Variants in NEGR1 observed in about 807,000 individuals in gnomAD.
The protein encoded by NEGR1 is neuronal growth regulator 1, also known as IgLON family member 4.
A neutral mutation model predicts 40.9 loss-of-function variants in NEGR1; 10 were observed. The observed-to-expected ratio is 0.24, with a 90% CI of 0.15 to 0.42. NEGR1 has a LOEUF of 0.42. NEGR1 is among the 10% of genes least tolerant of loss of function. NEGR1 has a pLI of 1.00. For missense variants in NEGR1, 352 were observed against 438.9 expected (o/e 0.80, Z 1.77); for synonymous variants, 185 against 166.8 (o/e 1.11, Z -0.84).
chr1:71,842,476 A>C (rs1659276187), intron 2 of NEGR1, among the ~76,000 whole-genome samples: 1 of 152,192 alleles, frequency 6.6e-6, no homozygotes, highest in African/African-American at 2.4e-5. Context: ...TAACGAAATA[A>C]GGAGCTATTA....
At position 71,928,361 on chromosome 1, in the gene NEGR1, T is replaced by TATGTATATATAC. The variant is rs1557439045; in HGVS notation, c.409+6717_409+6718insGTATATATACAT. On this transcript the variant is annotated intron_variant, in intron 2 of 6. Coordinates refer to ENST00000357731, the MANE Select transcript of NEGR1 (RefSeq NM_173808.3). ...ATATACACACATGTGTATATATATA[T>TATGTATATATAC]ACACATATGTATATATGTATATATA... is the stretch of plus-strand genomic sequence containing the variant. Among the ~76,000 whole-genome samples the TATGTATATATAC allele has an allele frequency of 7.1e-3, 599 of 84,560 alleles. 59 individuals carry two copies. The highest frequency in any genetic ancestry group is 0.031 in the Middle Eastern group (2 of 64). The allele number at this position is 84,560 out of a possible 152,430, so 55.5% of individuals were successfully genotyped here. A position where few individuals can be genotyped will look rare whatever the true frequency, so the allele number is the denominator to read the frequency against.
At chr1:72,058,641 C>G (rs1317151093) in intron 1 of NEGR1, among the ~76,000 whole-genome samples, 2 of 151,494 alleles carry the variant, frequency 1.3e-5, no homozygotes, top group Non-Finnish European at 3.0e-5. Context: ...CTACAGCTGT[C>G]TTTAAAGTTT....
chr1:71,441,483 G>C (rs560657417), intron 6 of NEGR1, among the ~76,000 whole-genome samples: 1 of 152,256 alleles, frequency 6.6e-6, no homozygotes, highest in East Asian at 1.9e-4. Flanking sequence ...AAAAGAACTT[G>C]GTGAATTATG....
At chr1:72,162,081 AC>A (rs1256195789) in intron 1 of NEGR1, among the ~76,000 whole-genome samples, 1 of 151,968 alleles carries the variant, frequency 6.6e-6, no homozygotes, top group Admixed American at 6.6e-5. Context: ...AAAGGTAATT[AC>A]CTTAACCAGT....
intron 6 of NEGR1, among the ~76,000 whole-genome samples, chr1:71,433,023 C>G (rs932407957): frequency 3.9e-5 from 6 of 152,146 alleles, no homozygotes; most frequent in Non-Finnish European, 5.9e-5. Context: ...AGAAGTGGAA[C>G]CTTTTAGAAT....
intron 2 of NEGR1, among the ~76,000 whole-genome samples, chr1:71,795,070 A>G (rs973799885): frequency 2.0e-5 from 3 of 152,116 alleles, no homozygotes; most frequent in Admixed American, 6.6e-5. Context: ...GGTGACACTT[A>G]AAAAATTAGG....
At chr1:71,639,770 C>A (rs1465238780) in intron 4 of NEGR1, among the ~76,000 whole-genome samples, 2 of 151,974 alleles carry the variant, frequency 1.3e-5, no homozygotes, top group Non-Finnish European at 2.9e-5. Context: ...GTACCAGAGG[C>A]AGCATGAATG....
intron 4 of NEGR1, among the ~76,000 whole-genome samples, chr1:71,659,629 G>C (rs1052301777): frequency 1.3e-5 from 2 of 152,028 alleles, no homozygotes; most frequent in East Asian, 1.9e-4. Flanking sequence ...AAATTTACAA[G>C]AGAAGAACAA....
At chr1:72,213,973 A>T (rs868295611) in intron 1 of NEGR1, among the ~76,000 whole-genome samples, 1 of 152,068 alleles carries the variant, frequency 6.6e-6, no homozygotes, top group Non-Finnish European at 1.5e-5. Flanking sequence ...TCAATAAAAC[A>T]CTGGCAAAAT....
chr1:71,567,754 G>A (rs1242324945), intron 6 of NEGR1, among the ~76,000 whole-genome samples: 1 of 151,952 alleles, frequency 6.6e-6, no homozygotes, highest in Non-Finnish European at 1.5e-5. Context: ...AAATTCTAAA[G>A]CCTAACGTGA....
chr1:71,441,304 T>C (rs575942012), intron 6 of NEGR1, among the ~76,000 whole-genome samples: 46 of 152,306 alleles, frequency 3.0e-4, no homozygotes, highest in African/African-American at 1.1e-3. Flanking sequence ...TCGGCCCCAA[T>C]CTTTTAGCTT....
At chr1:71,677,894 T>C (rs1265324568) in intron 4 of NEGR1, among the ~76,000 whole-genome samples, 1 of 152,200 alleles carries the variant, frequency 6.6e-6, no homozygotes, top group African/African-American at 2.4e-5. Flanking sequence ...GTTTGCCTTA[T>C]AAAATGCAAT....
chr1:71,747,648 C>T (rs1402915540), intron 3 of NEGR1, among the ~76,000 whole-genome samples: 2 of 152,102 alleles, frequency 1.3e-5, no homozygotes, highest in Non-Finnish European at 2.9e-5. Context: ...TGGTCTCAAA[C>T]TCCTGACCTC....
intron 6 of NEGR1, among the ~76,000 whole-genome samples, chr1:71,447,603 A>G (rs1646591820): frequency 6.6e-6 from 1 of 152,178 alleles, no homozygotes; most frequent in Non-Finnish European, 1.5e-5. Flanking sequence ...ATCTCTATTC[A>G]TACTTTACCA....
chr1:71,719,723 C>A (rs1438057724), intron 3 of NEGR1, among the ~76,000 whole-genome samples: 2 of 152,030 alleles, frequency 1.3e-5, no homozygotes, highest in East Asian at 1.9e-4. Context: ...GTTTGCTACA[C>A]CCATCAACTC....
chr1:71,831,947 A>C (rs1439774044), intron 2 of NEGR1, among the ~76,000 whole-genome samples: 1 of 151,874 alleles, frequency 6.6e-6, no homozygotes, highest in Non-Finnish European at 1.5e-5. Context: ...ATATGGTAAG[A>C]GGAAACAACT....
chr1:71,550,221 T>C (rs1286528444), intron 6 of NEGR1, among the ~76,000 whole-genome samples: 2 of 151,750 alleles, frequency 1.3e-5, no homozygotes, highest in South Asian at 2.1e-4. Context: ...AGCTTCTCCA[T>C]CTATGATCAT....
chr1:71,884,321 A>G (rs1660664809), intron 2 of NEGR1, among the ~76,000 whole-genome samples: 1 of 152,100 alleles, frequency 6.6e-6, no homozygotes, highest in Admixed American at 6.6e-5. Flanking sequence ...TGCAAGCCAT[A>G]TATCATTCAT....
intron 6 of NEGR1, among the ~76,000 whole-genome samples, chr1:71,470,110 C>CT: frequency 6.6e-6 from 1 of 152,188 alleles, no homozygotes; most frequent in Non-Finnish European, 1.5e-5. Context: ...GTCTAAGTTT[C>CT]TTGAAGTCAA....
Sources: allele counts gnomAD v4.1 joint callset (sites outside exome capture counted in the v4.1 genomes callset), GRCh38; gene constraint gnomAD v4.1.1; transcripts MANE v1.5; gene names NCBI Gene and HGNC (gene_info 2026-07-23, HGNC 2026-07-21).